PTPRD: variants seen among roughly 807,000 people sequenced by gnomAD.
PTPRD encodes receptor-type tyrosine-protein phosphatase delta.
In PTPRD, 34 loss-of-function variants were observed where a neutral mutation model predicts 214.5. The observed-to-expected ratio is 0.16, with a 90% CI of 0.12 to 0.21. The LOEUF (loss-of-function observed/expected upper bound fraction) is 0.21, where lower values mean the gene tolerates loss of function less well. Ranked by LOEUF, PTPRD falls within the 10% of genes least tolerant of loss-of-function variation. PTPRD has a pLI of 1.00. For missense variants in PTPRD, 2,545 were observed against 2,398.7 expected, an observed-to-expected ratio of 1.06 and a Z score of -1.27; for synonymous variants, 1,128 against 845.7, an observed-to-expected ratio of 1.33 and a Z score of -5.79.
At chr9:9,692,730 T>C (rs1595378682) in intron 7 of PTPRD, among the ~76,000 whole-genome samples, 1 of 151,946 alleles carries the variant, frequency 6.6e-6, no homozygotes, top group Admixed American at 6.6e-5. Context: ...GTACAGACAA[T>C]TCAACAATAC....
At chr9:8,783,760 A>G (rs2095832634) in intron 11 of PTPRD, among the ~76,000 whole-genome samples, 1 of 152,182 alleles carries the variant, frequency 6.6e-6, no homozygotes, top group East Asian at 1.9e-4. Flanking sequence ...TTCTACTGTC[A>G]TAGGATTTTC....
chr9:10,075,425 C>T (rs557279285), intron 3 of PTPRD, among the ~76,000 whole-genome samples: 3 of 151,940 alleles, frequency 2.0e-5, no homozygotes, highest in African/African-American at 7.2e-5. Context: ...TCATTTTCCA[C>T]AGTATTTCTC....
intron 11 of PTPRD, among the ~76,000 whole-genome samples, chr9:9,010,143 C>T (rs546830891): frequency 7.2e-5 from 11 of 152,130 alleles, no homozygotes; most frequent in African/African-American, 2.4e-4. Context: ...TGAAAAGAGG[C>T]CAAAATCTGA....
chr9:9,997,841 G>T (rs1320198566), intron 4 of PTPRD, among the ~76,000 whole-genome samples: 1 of 83,930 alleles, frequency 1.2e-5, no homozygotes, highest in Non-Finnish European at 3.3e-5. Flanking sequence ...CATATGCCAG[G>T]CATCATGGCC....
At chr9:9,674,202 T>C (rs1293462626) in intron 7 of PTPRD, among the ~76,000 whole-genome samples, 1 of 151,790 alleles carries the variant, frequency 6.6e-6, no homozygotes, top group East Asian at 1.9e-4. Context: ...AAATAAATGG[T>C]AATGGAGCTG....
At chr9:10,518,551 G>T (rs2784604) in intron 2 of PTPRD, among the ~76,000 whole-genome samples, 37,968 of 132,090 alleles carry the variant, frequency 0.29, 5,598 homozygotes, top group Non-Finnish European at 0.36. Context: ...TTTTTTTTTT[G>T]AGACGGAGTC....
At chr9:9,338,896 T>C (rs772556425) in intron 9 of PTPRD, among the ~76,000 whole-genome samples, 1 of 152,084 alleles carries the variant, frequency 6.6e-6, no homozygotes, top group Non-Finnish European at 1.5e-5. Context: ...CCTGTGTCCA[T>C]GTGTTCTCAT....
intron 7 of PTPRD, among the ~76,000 whole-genome samples, chr9:9,724,510 C>T (rs558733639): frequency 1.1e-4 from 16 of 152,088 alleles, no homozygotes; most frequent in African/African-American, 3.9e-4. Flanking sequence ...AGCCTTACTC[C>T]CATAATTAAA....
At chr9:8,521,712 A>T (rs2097894386) in intron 19 of PTPRD, among the ~76,000 whole-genome samples, 166 bp from the exon 20 acceptor site, 1 of 152,200 alleles carries the variant, frequency 6.6e-6, no homozygotes, top group Non-Finnish European at 1.5e-5. Context: ...CCATACAAGT[A>T]TGGTGTGTGT....
In PTPRD at chr9:8,646,566, T is replaced by A. The variant is rs559260720; in HGVS notation, c.65-9722A>T. On this transcript the variant is annotated intron_variant, in intron 12 of 45. Transcript: ENST00000381196. ...AAATGCCTTCTTTCCCACTTTTGAA[T>A]TTACAGAATTTACCCACATTTTTCA... 1.3e-4 allele frequency among the ~76,000 whole-genome samples: 20 copies of A among 152,268 alleles called. 2 individuals are homozygous for A. The highest frequency in any genetic ancestry group is 4.6e-4 in the African/African-American group (19 of 41,554).
intron 11 of PTPRD, among the ~76,000 whole-genome samples, chr9:8,841,942 C>T (rs1329317853): frequency 1.3e-5 from 2 of 150,972 alleles, no homozygotes; most frequent in African/African-American, 4.9e-5. Flanking sequence ...GCCCAGGAAG[C>T]AGAGGTTGCA....
intron 17 of PTPRD, among the ~76,000 whole-genome samples, chr9:8,525,563 A>G (rs753656296): frequency 1.3e-5 from 2 of 152,192 alleles, no homozygotes; most frequent in Non-Finnish European, 2.9e-5. Flanking sequence ...TTATCAAAAT[A>G]TCACTTAAAG....
intron 10 of PTPRD, among the ~76,000 whole-genome samples, chr9:9,094,640 C>CA (rs1213017033): frequency 6.6e-6 from 1 of 151,810 alleles, no homozygotes; most frequent in Non-Finnish European, 1.5e-5. Flanking sequence ...ATCCATGTAA[C>CA]AAAAAACCAC....
chr9:8,454,979 T>C (rs2096127048), intron 33 of PTPRD, among the ~76,000 whole-genome samples: 1 of 152,172 alleles, frequency 6.6e-6, no homozygotes. Flanking sequence ...ATGTACTCAA[T>C]GGGAATACAG....
chr9:10,329,567 C>A (rs1347927458), intron 3 of PTPRD, among the ~76,000 whole-genome samples: 1 of 151,754 alleles, frequency 6.6e-6, no homozygotes, highest in Non-Finnish European at 1.5e-5. Context: ...TGATTAGAAA[C>A]AACTTAATCA....
intron 8 of PTPRD, among the ~76,000 whole-genome samples, chr9:9,450,475 G>A (rs1009378432): frequency 2.0e-5 from 3 of 151,578 alleles, no homozygotes; most frequent in Non-Finnish European, 4.4e-5. Flanking sequence ...GGAGTAAGGT[G>A]GTATCTCACT....
At chr9:9,788,892 A>G (rs1036906768) in intron 5 of PTPRD, among the ~76,000 whole-genome samples, 1 of 152,196 alleles carries the variant, frequency 6.6e-6, no homozygotes, top group Non-Finnish European at 1.5e-5. Context: ...AATTAGATCT[A>G]AAGTGGAAAC....
chr9:8,651,950 C>T (rs928070589), intron 12 of PTPRD, among the ~76,000 whole-genome samples: 3 of 152,206 alleles, frequency 2.0e-5, no homozygotes, highest in African/African-American at 7.2e-5. Context: ...TATCCCCAGG[C>T]AGTGCAGACC....
At chr9:9,984,156 T>C (rs969103359) in intron 4 of PTPRD, among the ~76,000 whole-genome samples, 22 of 152,274 alleles carry the variant, frequency 1.4e-4, no homozygotes, top group African/African-American at 5.1e-4. Flanking sequence ...TAAAATAGCA[T>C]TCATTAATAA....
Sources: gnomAD v4.1 joint callset for allele counts (sites outside exome capture counted in the v4.1 genomes callset) on GRCh38, gnomAD v4.1.1 for gene constraint, MANE v1.5 for transcripts, NCBI Gene and HGNC (gene_info 2026-07-23, HGNC 2026-07-21) for gene names.